Variants in PLEKHA6 observed in about 807,000 individuals in gnomAD.
The protein encoded by PLEKHA6 is pleckstrin homology domain-containing family A member 6.
PLEKHA6 carries 60 observed loss-of-function variants against 116.7 expected under a neutral mutation model. The observed-to-expected ratio is 0.51, with a 90% CI of 0.42 to 0.64. The LOEUF (loss-of-function observed/expected upper bound fraction) is 0.64. PLEKHA6 is among the 30% of genes least tolerant of loss of function. The pLI is 0.00. For missense variants in PLEKHA6, 1,338 were observed against 1,422.7 expected, an observed-to-expected ratio of 0.94 and a Z score of 0.96; for synonymous variants, 489 against 556.1, an observed-to-expected ratio of 0.88 and a Z score of 1.70.
chr1:204,300,687 G>A (rs1047623795), intron 1 of PLEKHA6, among the ~76,000 whole-genome samples: 2 of 152,186 alleles, frequency 1.3e-5, no homozygotes, highest in South Asian at 4.1e-4. Context: ...ATTCTAAAGA[G>A]GTATTACCTT....
At chr1:204,341,101 G>T (rs1158063439) in intron 1 of PLEKHA6, among the ~76,000 whole-genome samples, 1 of 152,226 alleles carries the variant, frequency 6.6e-6, no homozygotes, top group Non-Finnish European at 1.5e-5. Flanking sequence ...ACCGTGGTCT[G>T]CAGCCAGCAG....
intron 1 of PLEKHA6, among the ~76,000 whole-genome samples, chr1:204,293,440 A>G (rs1669973192): frequency 6.6e-6 from 1 of 152,098 alleles, no homozygotes; most frequent in Admixed American, 6.6e-5. Context: ...CGGCCAATCA[A>G]GACTTATTTT....
At chr1:204,316,257 G>C (rs1189150185) in intron 1 of PLEKHA6, among the ~76,000 whole-genome samples, 1 of 152,148 alleles carries the variant, frequency 6.6e-6, no homozygotes, top group Non-Finnish European at 1.5e-5. Flanking sequence ...GAAACATCGG[G>C]ACTGACAAGG....
At chr1:204,253,000 G>A (rs919140393) in intron 9 of PLEKHA6, among the ~76,000 whole-genome samples, 6 of 152,334 alleles carry the variant, frequency 3.9e-5, no homozygotes, top group African/African-American at 1.4e-4. Flanking sequence ...TTCAGCACAG[G>A]TGGGTCTTAC....
chr1:204,230,825 G>A (rs935661922), intron 17 of PLEKHA6, among the ~76,000 whole-genome samples: 5 of 152,172 alleles, frequency 3.3e-5, no homozygotes, highest in Non-Finnish European at 7.3e-5. Flanking sequence ...CCTCATAAGA[G>A]ACAGAAAAGA....
At chr1:204,267,686 C>T in intron 4 of PLEKHA6, 139 bp from the exon 5 acceptor site, 1 of 702,742 alleles carries the variant, frequency 1.4e-6, no homozygotes, top group Non-Finnish European at 2.5e-6. Flanking sequence ...TGCACGGCAG[C>T]AACCCCTGGA....
At chr1:204,364,714 G>T (rs1052931610), upstream of PLEKHA6, among the ~76,000 whole-genome samples, 1 of 152,142 alleles carries the variant, frequency 6.6e-6, no homozygotes, top group South Asian at 2.1e-4. Context: ...CCCTGCCCTT[G>T]ATGAGTTTTC....
At chr1:204,317,514 T>G (rs563247089) in intron 1 of PLEKHA6, among the ~76,000 whole-genome samples, 1 of 152,258 alleles carries the variant, frequency 6.6e-6, no homozygotes, top group South Asian at 2.1e-4. Context: ...CTCATCCATC[T>G]CAGAGCCCCA....
chr1:204,325,185 T>C lies in PLEKHA6; in HGVS notation c.-95+34509A>G, dbSNP rs566199174. On this transcript the variant is annotated intron_variant, in intron 1 of 22. Coordinates refer to ENST00000272203, the MANE Select transcript of PLEKHA6 (RefSeq NM_014935.5). ...GCTCCTGAGAGATAGGAAAGTCTAG[T>C]GTCAGGCACCTTGGGTAGGCAACGT... is the stretch of plus-strand genomic sequence containing the variant. Among the ~76,000 whole-genome samples the C allele has an allele frequency of 2.0e-5, 3 of 152,304 alleles. 1 individual carries two copies. The South Asian group carries it at 6.2e-4, about 32-fold the overall frequency.
At chr1:204,300,543 G>C (rs1406341550) in intron 1 of PLEKHA6, among the ~76,000 whole-genome samples, 1 of 152,190 alleles carries the variant, frequency 6.6e-6, no homozygotes, top group African/African-American at 2.4e-5. Context: ...AGCCTACTGG[G>C]ATCCCAGAAG....
At chr1:204,318,514 C>T (rs1269634286) in intron 1 of PLEKHA6, among the ~76,000 whole-genome samples, 2 of 152,176 alleles carry the variant, frequency 1.3e-5, no homozygotes, top group Non-Finnish European at 2.9e-5. Context: ...AGGGGAAGGC[C>T]GGCCCTCGGA....
chr1:204,273,539 A>C, intron 3 of PLEKHA6, 87 bp downstream of exon 3: 1 of 922,936 alleles, frequency 1.1e-6, no homozygotes. Context: ...TGGACAGGCT[A>C]CAATTTCCTA....
chr1:204,343,022 T>C (rs554358130), intron 1 of PLEKHA6, among the ~76,000 whole-genome samples: 2 of 152,314 alleles, frequency 1.3e-5, no homozygotes, highest in South Asian at 2.1e-4. Flanking sequence ...GGGGAGGCTT[T>C]GGGCTCCCCT....
At chr1:204,351,834 G>C (rs948563156) in intron 1 of PLEKHA6, among the ~76,000 whole-genome samples, 4 of 152,150 alleles carry the variant, frequency 2.6e-5, no homozygotes, top group Non-Finnish European at 5.9e-5. Context: ...CCCAGGCCTG[G>C]TTTCAAGGTG....
Position 204,267,501 on chromosome 1 carries a change from A to G in PLEKHA6, c.254T>C (p.Val85Ala). The change falls in exon 5 of 23, where the codon GTG becomes GCG. Residue 85 changes from valine to alanine, a missense_variant. Physicochemically the swap from Val to Ala is moderately conservative, Grantham distance 64 (BLOSUM62 0). Around this residue, in one of 3 missense-constraint regions of PLEKHA6, gnomAD observed 140 missense variants for 197.4 expected, o/e 0.71. Coordinates refer to ENST00000272203, the MANE Select transcript of PLEKHA6 (RefSeq NM_014935.5). ...TTTATAGTAGAAGAGGCAGCGATCCACCAGGACGAACCAGCGCTTGTTCCA... is the reference window on the plus strand; with the variant it reads ...TTTATAGTAGAAGAGGCAGCGATCCGCCAGGACGAACCAGCGCTTGTTCCA... ...KQWNKRWFVL[V>A]DRCLFYYKDE... The G allele has an allele frequency of 6.2e-7, 1 of 1,614,128 alleles. No homozygotes were observed.
chr1:204,334,543 C>A (rs1284167968), intron 1 of PLEKHA6, among the ~76,000 whole-genome samples: 1 of 152,126 alleles, frequency 6.6e-6, no homozygotes, highest in Admixed American at 6.5e-5. Context: ...TCAAACTAGG[C>A]TAATTAATAT....
At chr1:204,370,904 A>T (rs1673760977) in intron 2 of PLEKHA6, among the ~76,000 whole-genome samples, 1 of 152,084 alleles carries the variant, frequency 6.6e-6, no homozygotes, top group Admixed American at 6.5e-5. Flanking sequence ...CAATACAAAA[A>T]TTAGCTGGGT....
chr1:204,228,261 AGG>A lies in PLEKHA6; in HGVS notation c.2886-35_2886-34del, dbSNP rs749217336. 6.4e-6 allele frequency: 10 copies of A among 1,565,298 alleles called. No homozygotes were observed. In the Admixed American group the frequency reaches 1.8e-4, roughly 28 times the overall value. Reference sequence around the variant, plus strand: ...GGCACAGACACACAGAAATGGAGGGAGGGACAGGATGGTCCAAGTGGCTTGAG... The same window carrying A: ...GGCACAGACACACAGAAATGGAGGGAGACAGGATGGTCCAAGTGGCTTGAG... On this transcript the variant is annotated intron_variant, in intron 20 of 22. Coordinates refer to ENST00000272203, the MANE Select transcript of PLEKHA6 (RefSeq NM_014935.5). This position sits in a 1 kb window ranked among gnomAD's most constrained non-coding sequence, Gnocchi z 4.0.
intron 1 of PLEKHA6, among the ~76,000 whole-genome samples, chr1:204,285,006 G>A (rs945278541): frequency 5.3e-5 from 8 of 152,140 alleles, no homozygotes; most frequent in South Asian, 2.1e-4. Flanking sequence ...GCCACTAGCC[G>A]TATTCTATCT....
Sources: allele counts gnomAD v4.1 joint callset (sites outside exome capture counted in the v4.1 genomes callset), GRCh38; gene constraint gnomAD v4.1.1; regional missense constraint gnomAD v4.1.1; non-coding constraint Gnocchi (gnomAD v3.1); transcripts MANE v1.5; gene names NCBI Gene and HGNC (gene_info 2026-07-23, HGNC 2026-07-21).